Variants in STRA8 observed in about 807,000 individuals in gnomAD.
STRA8 encodes stimulated by retinoic acid gene 8 protein homolog.
STRA8 carries 18 observed loss-of-function variants against 37.1 expected under a neutral mutation model. That is an observed-to-expected ratio of 0.48 (90% CI 0.34 to 0.72). The LOEUF (loss-of-function observed/expected upper bound fraction) is 0.72. Among genes scored for constraint, STRA8 ranks in the 30% least tolerant of loss-of-function variants. The pLI, the probability that STRA8 is intolerant of heterozygous loss-of-function variation, is 0.01. For synonymous variants in STRA8, 168 were observed against 162.9 expected (o/e 1.03, Z -0.24); for missense variants, 357 against 410.4 (o/e 0.87, Z 1.13).
intron 6 of STRA8, among the ~76,000 whole-genome samples, chr7:135,250,106 T>G (rs1028336501): frequency 1.2e-4 from 18 of 152,178 alleles, no homozygotes; most frequent in African/African-American, 3.9e-4. Context: ...GCTGCAGAAC[T>G]GTTGTGTTAG....
chr7:135,247,694 G>A (rs999000531), intron 6 of STRA8, among the ~76,000 whole-genome samples: 5 of 152,202 alleles, frequency 3.3e-5, no homozygotes, highest in Non-Finnish European at 7.3e-5. Context: ...AGAGCACTGG[G>A]ATCGCTCTGT....
intron 8 of STRA8, among the ~76,000 whole-genome samples, chr7:135,257,145 TCA>T (rs1165323547): frequency 6.6e-6 from 1 of 152,138 alleles, no homozygotes; most frequent in Non-Finnish European, 1.5e-5. Context: ...CAGGAAAGGC[TCA>T]GTTTGTGGAG....
At chr7:135,245,168 T>C (rs1160648281) in intron 4 of STRA8, 120 bp from the exon 5 acceptor site, 2 of 681,736 alleles carry the variant, frequency 2.9e-6, no homozygotes, top group Non-Finnish European at 5.5e-6. Context: ...TCATGATGTG[T>C]ACACCTACAC....
chr7:135,247,943 T>A (rs1832588716), intron 6 of STRA8, among the ~76,000 whole-genome samples: 1 of 152,258 alleles, frequency 6.6e-6, no homozygotes, highest in Non-Finnish European at 1.5e-5. Context: ...ATTCGCATTC[T>A]GCACATGCCC....
intron 1 of STRA8, among the ~76,000 whole-genome samples, chr7:135,237,969 C>T (rs1304713782): frequency 2.6e-5 from 4 of 151,912 alleles, no homozygotes; most frequent in Admixed American, 2.0e-4. Flanking sequence ...GCCACAGAGA[C>T]GGAAAAAATT....
chr7:135,250,500 A>G (rs961375437), intron 6 of STRA8, among the ~76,000 whole-genome samples: 2 of 152,178 alleles, frequency 1.3e-5, no homozygotes, highest in Non-Finnish European at 2.9e-5. Flanking sequence ...CCGGAAAACT[A>G]AGAGAGGGGC....
Position 135,240,602 on chromosome 7 carries a change from G to C in STRA8, c.78G>C (p.Glu26Asp). Residue 26 changes from glutamate (E) to aspartate (D), a missense_variant, in exon 2 of 9, where the codon GAG becomes GAC. Coordinates refer to ENST00000662584, the MANE Select transcript of STRA8 (RefSeq NM_001394401.1). ...PQLPAQLQEL[E>D]HRVARRRLSQ... Reference sequence around the variant, plus strand: ...TGCCAGCACAGCTGCAGGAGCTTGAGCATCGGGTGGCCCGGAGACGGCTGT... The same window carrying C: ...TGCCAGCACAGCTGCAGGAGCTTGACCATCGGGTGGCCCGGAGACGGCTGT... 1 of 1,614,204 alleles carries C rather than the reference G, an allele frequency of 6.2e-7. No homozygotes were observed. Among genetic ancestry groups the C allele is most frequent in the Non-Finnish European group, 8.5e-7 (1 of 1,180,038 alleles).
In STRA8 at chr7:135,245,408, G is replaced by GGAA. The variant is rs1471201800; in HGVS notation, c.483_485dup (p.Glu178dup). 8.9e-6 allele frequency: 5 copies of GGAA among 561,398 alleles called. No individual in the cohort carries two copies. The highest frequency in any genetic ancestry group is 1.6e-5 in the Non-Finnish European group (5 of 305,670). The allele number at this position is 561,398 out of a possible 1,614,324, so 34.8% of individuals were successfully genotyped here. On this transcript the variant is annotated inframe_insertion, in exon 5 of 9. Coordinates refer to ENST00000662584, the MANE Select transcript of STRA8 (RefSeq NM_001394401.1). The stretch of plus-strand genomic sequence containing the variant: ...AGGAAGATCAAGAAGAAGAGGAGGA[G>GGAA]GAAGAAGAAGAGGAGGAGGAGGAAG...
rs1034477450 is a variant in STRA8, at chr7:135,246,381, C to T, written c.594-36C>T. On this transcript the variant is annotated intron_variant, in intron 5 of 8. Transcript: ENST00000662584. This position sits in a 1 kb window ranked among gnomAD's most constrained non-coding sequence, Gnocchi z 5.4. ...AATCCCGAATCGCTTCGAGAGGGAG[C>T]TTTAGGGGTGCGAGACGGCGCCGCT... 1.3e-6 allele frequency: 2 copies of T among 1,577,836 alleles called. No individual in the cohort carries two copies. The highest frequency in any genetic ancestry group is 2.7e-5 in the African/African-American group (2 of 74,192).
upstream of STRA8, among the ~76,000 whole-genome samples, chr7:135,232,541 G>C (rs370978309): frequency 1.3e-4 from 20 of 152,136 alleles, no homozygotes; most frequent in African/African-American, 4.6e-4. Context: ...TACTCAGGAG[G>C]CTGAGGCAGG....
intron 1 of STRA8, among the ~76,000 whole-genome samples, chr7:135,239,959 T>TC (rs1339199552): frequency 6.6e-6 from 1 of 152,170 alleles, no homozygotes; most frequent in East Asian, 1.9e-4. Context: ...GATTTTTTTT[T>TC]CATATGCATA....
At position 135,258,517 on chromosome 7, in the gene STRA8, G is replaced by A; in HGVS notation, c.*25G>A. ...ATGCAGAAGAGGAGCTGCGAGGGGA[G>A]GGACTGAATGAGGTGGGCAGTTCCC... On this transcript the variant is annotated 3_prime_UTR_variant, in exon 9 of 9. Coordinates refer to ENST00000662584, the MANE Select transcript of STRA8 (RefSeq NM_001394401.1). 3 of 1,564,670 alleles carry A rather than the reference G, an allele frequency of 1.9e-6. No individual in the cohort carries two copies. Among genetic ancestry groups the A allele is most frequent in the Non-Finnish European group, 2.6e-6 (3 of 1,151,958 alleles).
intron 7 of STRA8, among the ~76,000 whole-genome samples, chr7:135,252,234 G>A (rs1832647962): frequency 6.6e-6 from 1 of 152,166 alleles, no homozygotes; most frequent in African/African-American, 2.4e-5. Context: ...AATCATGGTG[G>A]AAGGCAAAGG....
intron 1 of STRA8, among the ~76,000 whole-genome samples, chr7:135,235,486 G>A (rs996175196): frequency 4.1e-5 from 6 of 147,320 alleles, no homozygotes; most frequent in African/African-American, 1.5e-4. Context: ...TTGTGGCCCA[G>A]GTTGGAGTCC....
chr7:135,240,514 T>A lies in STRA8; in HGVS notation c.-6-5T>A. 6.2e-7 allele frequency: 1 copy of A among 1,613,408 alleles called. No individual in the cohort carries two copies. Among genetic ancestry groups the A allele is most frequent in the Non-Finnish European group, 8.5e-7 (1 of 1,179,760 alleles). ...CAAAAAAAAAAGCATACTATTACAT[T>A]ACAGCTTATAATGGCAACCCCTGAA... On this transcript the variant is annotated splice_polypyrimidine_tract_variant and splice_region_variant and intron_variant, in intron 1 of 8. Transcript: ENST00000662584.
rs770576671 is a variant in STRA8, at chr7:135,255,104, C to A, written c.954-10C>A. ...AATATTTGTTGCCTTTTCTTCCTTT[C>A]TGTTGTCAGTTCAGTGCTTGCCAGC... is the stretch of plus-strand genomic sequence containing the variant. On this transcript the variant is annotated splice_polypyrimidine_tract_variant and intron_variant, in intron 7 of 8. Transcript: ENST00000662584. The A allele has an allele frequency of 3.1e-6, 5 of 1,609,052 alleles. No individual in the cohort carries two copies. Among genetic ancestry groups the A allele is most frequent in the South Asian group, 1.1e-5 (1 of 90,948 alleles).
chr7:135,258,562 T>G lies in STRA8; in HGVS notation c.*70T>G. On this transcript the variant is annotated 3_prime_UTR_variant, in exon 9 of 9. Transcript: ENST00000662584. ...GTTCCCAAGGTTGAATGCTGGCAGC[T>G]AAGGTTGCACCTGCCTTGGCCTCCA... is the stretch of plus-strand genomic sequence containing the variant. The G allele has an allele frequency of 7.3e-7, 1 of 1,376,972 alleles. No individual in the cohort carries two copies. The highest frequency in any genetic ancestry group is 1.0e-6 in the Non-Finnish European group (1 of 993,138). 85.3% of individuals were successfully genotyped at this position (1,376,972 alleles called of 1,614,324 possible).
intron 6 of STRA8, chr7:135,247,004 C>T (rs1409409694): frequency 3.1e-6 from 1 of 318,116 alleles, no homozygotes; most frequent in Non-Finnish European, 5.7e-6. Context: ...GCCACCACGC[C>T]CGGCTAATTT....
Position 135,240,578 on chromosome 7 carries a change from G to T in STRA8, c.54G>T (p.Leu18=), listed in dbSNP as rs1315325193. 3.1e-6 allele frequency: 5 copies of T among 1,614,022 alleles called. No individual in the cohort carries two copies. Among genetic ancestry groups the T allele is most frequent in the Non-Finnish European group, 4.2e-6 (5 of 1,180,034 alleles). Residue 18 remains leucine, a synonymous_variant, in exon 2 of 9, where the codon CTG becomes CTT. Coordinates refer to ENST00000662584, the MANE Select transcript of STRA8 (RefSeq NM_001394401.1). ...SNPHDRATPQ[L]PAQLQELEHR... is the part of the protein sequence containing the mutation. ...CCCATGACAGAGCAACACCCCAGCT[G>T]CCAGCACAGCTGCAGGAGCTTGAGC... is the stretch of plus-strand genomic sequence containing the variant.
Sources: allele counts gnomAD v4.1 joint callset (sites outside exome capture counted in the v4.1 genomes callset), GRCh38; gene constraint gnomAD v4.1.1; non-coding constraint Gnocchi (gnomAD v3.1); transcripts MANE v1.5; gene names NCBI Gene and HGNC (gene_info 2026-07-23, HGNC 2026-07-21).